DLC1: variants seen among roughly 807,000 people sequenced by gnomAD.
The protein encoded by DLC1 is rho GTPase-activating protein 7.
DLC1 carries 54 observed loss-of-function variants against 140.3 expected under a neutral mutation model. That is an observed-to-expected ratio of 0.38 (90% confidence interval 0.31 to 0.48). DLC1 has a LOEUF of 0.48. Among genes scored for constraint, DLC1 ranks in the 20% least tolerant of loss-of-function variants. DLC1 has a pLI of 0.96. For missense variants in DLC1, 2,536 were observed against 1,907.0 expected, an observed-to-expected ratio of 1.33 and a Z score of -6.14; for synonymous variants, 986 against 728.1, an observed-to-expected ratio of 1.35 and a Z score of -5.70.
intron 5 of DLC1, among the ~76,000 whole-genome samples, chr8:13,240,431 TTTTC>T (rs1225127537): frequency 6.6e-6 from 1 of 152,152 alleles, no homozygotes; most frequent in Admixed American, 6.5e-5. Context: ...TATATGTACA[TTTTC>T]TTTCTGAGAC....
chr8:13,408,853 A>G (rs1187349624), intron 2 of DLC1, among the ~76,000 whole-genome samples: 2 of 152,154 alleles, frequency 1.3e-5, no homozygotes, highest in Non-Finnish European at 2.9e-5. Flanking sequence ...CTTAAAGCAG[A>G]CAAGACTTTT....
chr8:13,225,762 C>G (rs1255389192), intron 5 of DLC1, among the ~76,000 whole-genome samples: 1 of 151,750 alleles, frequency 6.6e-6, no homozygotes, highest in South Asian at 2.1e-4. Context: ...ACTACAGGCA[C>G]CCGCCACCAC....
intron 1 of DLC1, among the ~76,000 whole-genome samples, chr8:13,524,174 G>A (rs184444450): frequency 6.7e-6 from 1 of 149,626 alleles, no homozygotes; most frequent in Non-Finnish European, 1.5e-5. Flanking sequence ...ATCTCACTCT[G>A]TTGCCCAGGC....
chr8:13,523,928 G>C (rs1290069636), intron 1 of DLC1, among the ~76,000 whole-genome samples: 1 of 151,410 alleles, frequency 6.6e-6, no homozygotes, highest in African/African-American at 2.4e-5. Context: ...GAAGAGTGAG[G>C]AGAGTATAGA....
chr8:13,510,964 C>T (rs997226185), intron 1 of DLC1, among the ~76,000 whole-genome samples: 1 of 152,152 alleles, frequency 6.6e-6, no homozygotes, highest in Admixed American at 6.5e-5. Flanking sequence ...CATTCCTCAA[C>T]CCTGGTTTTC....
chr8:13,280,287 C>CAAAAAAAAAAAAAAAA (rs55791933), intron 5 of DLC1, among the ~76,000 whole-genome samples: 5 of 65,348 alleles, frequency 7.7e-5, no homozygotes, highest in African/African-American at 1.2e-4. Flanking sequence ...GACTCCATCT[C>CAAAAAAAAAAAAAAAA]AAAAAAAAAA....
At chr8:13,531,717 A>G (rs1016167142) in intron 1 of DLC1, among the ~76,000 whole-genome samples, 4 of 152,232 alleles carry the variant, frequency 2.6e-5, no homozygotes, top group Non-Finnish European at 2.9e-5. Flanking sequence ...GGGAAAGTCA[A>G]TTAAGATGGG....
chr8:13,358,205 C>A (rs368984721), intron 4 of DLC1, among the ~76,000 whole-genome samples: 88 of 152,268 alleles, frequency 5.8e-4, no homozygotes, highest in South Asian at 1.5e-3. Flanking sequence ...TAACTAAAAC[C>A]AATTATATCA....
chr8:13,447,079 T>C (rs1294281887), intron 2 of DLC1, among the ~76,000 whole-genome samples: 1 of 152,180 alleles, frequency 6.6e-6, no homozygotes, highest in Non-Finnish European at 1.5e-5. Flanking sequence ...CTCTAAACTT[T>C]CCCTGTGTGT....
intron 1 of DLC1, chr8:13,567,593 A>G (rs1403342848): frequency 1.3e-6 from 2 of 1,551,658 alleles, no homozygotes; most frequent in Non-Finnish European, 1.7e-6. Context: ...CAGTGTCCCT[A>G]TTGTAACAGG....
chr8:13,249,240 CTATT>C (rs1348143957), intron 5 of DLC1, among the ~76,000 whole-genome samples: 8 of 152,250 alleles, frequency 5.3e-5, no homozygotes, highest in Non-Finnish European at 1.2e-4. Flanking sequence ...CCACATCTGA[CTATT>C]TGTTTTGTAT....
In DLC1 at chr8:13,368,558, T is replaced by G. The variant is rs78478942; in HGVS notation, c.1314+24995A>C. Among the ~76,000 whole-genome samples, 1,134 of 152,068 alleles carry G rather than the reference T, an allele frequency of 7.5e-3. 8 individuals are homozygous for G. Among genetic ancestry groups the G allele is most frequent in the Middle Eastern group, 0.031 (9 of 294 alleles). ...TTTTTTTCTGCATAGAAAAAAAAGT[T>G]CTTACAGAATGCCAGTGTTCTGTCA... On this transcript the variant is annotated intron_variant, in intron 4 of 17. Coordinates refer to ENST00000276297, the MANE Select transcript of DLC1 (RefSeq NM_182643.3).
chr8:13,322,191 A>G (rs1220230063), intron 4 of DLC1, among the ~76,000 whole-genome samples: 1 of 152,210 alleles, frequency 6.6e-6, no homozygotes, highest in African/African-American at 2.4e-5. Flanking sequence ...TTCTTAAAAC[A>G]TTTATAATAT....
At chr8:13,531,480 GGT>G (rs1563423694) in intron 1 of DLC1, among the ~76,000 whole-genome samples, 1 of 152,104 alleles carries the variant, frequency 6.6e-6, no homozygotes, top group Non-Finnish European at 1.5e-5. Flanking sequence ...CAGTTACTCA[GGT>G]GGCTGAGGCA....
At chr8:13,330,983 C>T (rs575306870) in intron 4 of DLC1, among the ~76,000 whole-genome samples, 1 of 152,106 alleles carries the variant, frequency 6.6e-6, no homozygotes, top group East Asian at 1.9e-4. Context: ...AAAAATAAAG[C>T]AAAGAATAAA....
chr8:13,384,153 A>T (rs974472205), intron 4 of DLC1, among the ~76,000 whole-genome samples: 4 of 152,242 alleles, frequency 2.6e-5, no homozygotes, highest in African/African-American at 9.6e-5. Context: ...TCGATATAGC[A>T]GGCAAGAGAT....
chr8:13,418,964 C>G (rs1838193362), intron 2 of DLC1, among the ~76,000 whole-genome samples: 1 of 151,394 alleles, frequency 6.6e-6, no homozygotes, highest in African/African-American at 2.4e-5. Flanking sequence ...GTATTTTATT[C>G]TCTTTGAAGC....
intron 4 of DLC1, among the ~76,000 whole-genome samples, chr8:13,345,631 G>T: frequency 8.0e-6 from 1 of 124,628 alleles, no homozygotes; most frequent in Non-Finnish European, 1.6e-5. Context: ...TCAGTTCACT[G>T]CAACCTCTGT....
At chr8:13,296,020 T>C (rs191472568) in intron 5 of DLC1, among the ~76,000 whole-genome samples, 46 of 142,518 alleles carry the variant, frequency 3.2e-4, no homozygotes, top group Admixed American at 2.9e-3. Context: ...TAGGGCGATC[T>C]TGGCTCACTG....
Sources: allele counts gnomAD v4.1 joint callset (sites outside exome capture counted in the v4.1 genomes callset), GRCh38; gene constraint gnomAD v4.1.1; transcripts MANE v1.5; gene names NCBI Gene and HGNC (gene_info 2026-07-23, HGNC 2026-07-21).